ZBTB16: variants seen among roughly 807,000 people sequenced by gnomAD.
ZBTB16 encodes zinc finger and BTB domain-containing protein 16.
ZBTB16 carries 8 observed loss-of-function variants against 56.8 expected under a neutral mutation model. The ratio of observed to expected loss-of-function variants is 0.14; its 90% CI spans 0.08 to 0.25. The LOEUF (loss-of-function observed/expected upper bound fraction) is 0.25. ZBTB16 is among the 10% of genes least tolerant of loss of function. The pLI, the probability that ZBTB16 is intolerant of heterozygous loss-of-function variation, is 1.00. For missense variants in ZBTB16, 625 were observed against 903.0 expected (o/e 0.69, Z 3.95); for synonymous variants, 363 against 368.5 (o/e 0.98, Z 0.17).
rs1036974556 is a variant in ZBTB16 at position 114,060,802 on chromosome 11, G to T, written c.-91+920G>T. Among the ~76,000 whole-genome samples the T allele has an allele frequency of 1.8e-4, 27 of 152,004 alleles. No individual in the cohort carries two copies. The highest frequency in any genetic ancestry group is 6.5e-4 in the African/African-American group (27 of 41,356). On this transcript the variant is annotated intron_variant, in intron 1 of 6. Coordinates refer to ENST00000335953, the MANE Select transcript of ZBTB16 (RefSeq NM_006006.6). The surrounding 1 kb of genome is among the most constrained non-coding windows in gnomAD (Gnocchi z 6.0). ...CACCGTGCTTGGGCCGGGCGCGCTG[G>T]CCGCTGGCGCCGCTGGCCAGAGGCC...
intron 4 of ZBTB16, among the ~76,000 whole-genome samples, chr11:114,232,722 G>A (rs969041990): frequency 1.3e-5 from 2 of 150,684 alleles, no homozygotes; most frequent in African/African-American, 4.9e-5. Flanking sequence ...TCAATCGTGG[G>A]CCAATTAGTT....
chr11:114,138,001 C>T (rs566322558), intron 2 of ZBTB16, among the ~76,000 whole-genome samples: 4 of 152,262 alleles, frequency 2.6e-5, no homozygotes, highest in South Asian at 2.1e-4. Context: ...AGGAGCAAGG[C>T]GTGGGCTGTG....
chr11:114,147,738 C>T (rs918583003), intron 2 of ZBTB16, among the ~76,000 whole-genome samples: 3 of 152,202 alleles, frequency 2.0e-5, no homozygotes, highest in African/African-American at 4.8e-5. Context: ...CTCTTCCCCT[C>T]GGATCTTAAC....
intron 4 of ZBTB16, among the ~76,000 whole-genome samples, chr11:114,217,340 G>A (rs1286197230): frequency 1.3e-5 from 2 of 152,146 alleles, no homozygotes; most frequent in Non-Finnish European, 2.9e-5. Context: ...ATCAGAGGGA[G>A]GTAAGCTGTG....
chr11:114,114,929 C>T (rs904956936), intron 2 of ZBTB16, among the ~76,000 whole-genome samples: 12 of 152,152 alleles, frequency 7.9e-5, no homozygotes, highest in South Asian at 4.2e-4. Flanking sequence ...GTGATCCTCC[C>T]GCCTCGGCCT....
In ZBTB16 at chr11:114,253,628, T is replaced by C. The variant is rs571428719; in HGVS notation, c.*3073T>C. On this transcript the variant is annotated 3_prime_UTR_variant, in exon 7 of 7. Coordinates refer to ENST00000335953, the MANE Select transcript of ZBTB16 (RefSeq NM_006006.6). Reference sequence around the variant, plus strand: ...GAGGTATGGGGAGAGCTCAGGGGAGTGTGGTTTCTGAGGGCTACTGTCTGG... The same window carrying C: ...GAGGTATGGGGAGAGCTCAGGGGAGCGTGGTTTCTGAGGGCTACTGTCTGG... 1.3e-4 allele frequency among the ~76,000 whole-genome samples: 19 copies of C among 151,868 alleles called. No homozygotes were observed. The South Asian group carries it at 4.0e-3, about 32-fold the overall frequency.
At chr11:114,141,595 T>C (rs1485323286) in intron 2 of ZBTB16, among the ~76,000 whole-genome samples, 3 of 152,240 alleles carry the variant, frequency 2.0e-5, no homozygotes, top group Non-Finnish European at 4.4e-5. Flanking sequence ...GTAACAGTAT[T>C]GTTAGTCTGC....
intron 3 of ZBTB16, among the ~76,000 whole-genome samples, chr11:114,172,180 A>G (rs1249842963): frequency 6.6e-6 from 1 of 152,222 alleles, no homozygotes; most frequent in Non-Finnish European, 1.5e-5. Context: ...CATGTCCAAG[A>G]ATGTCCTGCG....
chr11:114,236,286 G>T (rs894161753), intron 4 of ZBTB16, among the ~76,000 whole-genome samples: 1 of 152,192 alleles, frequency 6.6e-6, no homozygotes, highest in Non-Finnish European at 1.5e-5. Context: ...GAAAGGGCAG[G>T]TTAGTTATGA....
Position 114,252,074 on chromosome 11 carries a change from A to G in ZBTB16, c.*1519A>G, listed in dbSNP as rs1263017706. ...CAGGAACTGTGCAGGAGGAGTTGAT[A>G]CTCAGGATCTGAATGTGAGGGCCGA... On this transcript the variant is annotated 3_prime_UTR_variant, in exon 7 of 7. Transcript: ENST00000335953. Among the ~76,000 whole-genome samples, 5 of 151,942 alleles carry G rather than the reference A, an allele frequency of 3.3e-5. No individual in the cohort carries two copies. The highest frequency in any genetic ancestry group is 7.4e-5 in the Non-Finnish European group (5 of 67,978).
chr11:114,148,044 C>T (rs923651594), intron 2 of ZBTB16, among the ~76,000 whole-genome samples: 16 of 152,320 alleles, frequency 1.1e-4, no homozygotes, highest in Non-Finnish European at 2.2e-4. Flanking sequence ...GGACCGGTTA[C>T]GTAGCAGCCA....
At chr11:114,223,721 T>G (rs535131030) in intron 4 of ZBTB16, among the ~76,000 whole-genome samples, 1 of 152,032 alleles carries the variant, frequency 6.6e-6, no homozygotes, top group Non-Finnish European at 1.5e-5. Flanking sequence ...AGGATAAATA[T>G]TGTTATATTG....
At chr11:114,195,723 A>G (rs908011796) in intron 4 of ZBTB16, among the ~76,000 whole-genome samples, 3 of 152,162 alleles carry the variant, frequency 2.0e-5, no homozygotes, top group Admixed American at 2.0e-4. Flanking sequence ...TAGGCCTCGC[A>G]TGGAGTAAGT....
At chr11:114,245,449 C>T (rs192119308) in intron 5 of ZBTB16, among the ~76,000 whole-genome samples, 125 of 152,272 alleles carry the variant, frequency 8.2e-4, no homozygotes, top group African/African-American at 2.9e-3. Flanking sequence ...ATGAGAAAGT[C>T]ACTGATCAGA....
At chr11:114,076,107 G>C (rs1472499629) in intron 2 of ZBTB16, among the ~76,000 whole-genome samples, 1 of 151,782 alleles carries the variant, frequency 6.6e-6, no homozygotes, top group African/African-American at 2.4e-5. Context: ...CTGCACTTTC[G>C]GGGAAAGCAT....
At chr11:114,113,083 T>G (rs559619282) in intron 2 of ZBTB16, among the ~76,000 whole-genome samples, 9 of 152,286 alleles carry the variant, frequency 5.9e-5, no homozygotes, top group Non-Finnish European at 1.3e-4. Flanking sequence ...CCCACACACT[T>G]CATTTTTATT....
intron 2 of ZBTB16, among the ~76,000 whole-genome samples, chr11:114,094,371 C>A (rs572398865): frequency 1.7e-4 from 26 of 152,218 alleles, no homozygotes; most frequent in Non-Finnish European, 3.2e-4. Flanking sequence ...AAACAAAAAC[C>A]AAACGAGTCC....
At chr11:114,107,583 C>G (rs781321166) in intron 2 of ZBTB16, among the ~76,000 whole-genome samples, 1 of 152,172 alleles carries the variant, frequency 6.6e-6, no homozygotes, top group Non-Finnish European at 1.5e-5. Context: ...AATTTCCACC[C>G]TAGAAGAACT....
chr11:114,238,816 GTC>G (rs1191260864), intron 4 of ZBTB16, among the ~76,000 whole-genome samples: 1 of 152,108 alleles, frequency 6.6e-6, no homozygotes, highest in Non-Finnish European at 1.5e-5. Flanking sequence ...TGCCAGTGGT[GTC>G]TCTCTCCTTA....
Sources: gnomAD v4.1 joint callset for allele counts (sites outside exome capture counted in the v4.1 genomes callset) on GRCh38, gnomAD v4.1.1 for gene constraint, Gnocchi (gnomAD v3.1) non-coding constraint, MANE v1.5 for transcripts, NCBI Gene and HGNC (gene_info 2026-07-23, HGNC 2026-07-21) for gene names.